Variants in DGKB observed in about 807,000 individuals in gnomAD.
The protein encoded by DGKB is diacylglycerol kinase beta, also known as 90 kDa diacylglycerol kinase.
DGKB carries 67 observed loss-of-function variants against 114.3 expected under a neutral mutation model. That is an observed-to-expected ratio of 0.59 (90% CI 0.48 to 0.72). The LOEUF (loss-of-function observed/expected upper bound fraction) is 0.72. Among genes scored for constraint, DGKB ranks in the 30% least tolerant of loss-of-function variants. DGKB has a pLI of 0.00. For missense variants in DGKB, 907 were observed against 975.2 expected (o/e 0.93, Z 0.93); for synonymous variants, 398 against 323.1 (o/e 1.23, Z -2.49).
At chr7:14,351,431 C>CGAG (rs1406814482) in intron 21 of DGKB, among the ~76,000 whole-genome samples, 4 of 152,106 alleles carry the variant, frequency 2.6e-5, no homozygotes, top group Non-Finnish European at 5.9e-5. Flanking sequence ...GGTCGGCAAA[C>CGAG]GAGCCCTAGG....
intron 23 of DGKB, among the ~76,000 whole-genome samples, chr7:14,313,112 AACT>A (rs1318552609): frequency 1.3e-5 from 2 of 152,234 alleles, no homozygotes; most frequent in Admixed American, 1.3e-4. Context: ...ACCTTTAAGA[AACT>A]ACTACTTGTT....
chr7:14,700,901 C>T (rs1458177928), intron 7 of DGKB, among the ~76,000 whole-genome samples: 2 of 151,918 alleles, frequency 1.3e-5, no homozygotes, highest in African/African-American at 2.4e-5. Flanking sequence ...CTTGATAGAA[C>T]AAGAAATAAT....
chr7:14,865,079 T>C (rs1011453182), intron 1 of DGKB, among the ~76,000 whole-genome samples: 5 of 65,196 alleles, frequency 7.7e-5, no homozygotes, highest in East Asian at 4.9e-4. Context: ...TTGTAAAGAA[T>C]TGATGACCTA....
chr7:14,578,090 G>A (rs1433622280), intron 19 of DGKB, among the ~76,000 whole-genome samples: 1 of 152,078 alleles, frequency 6.6e-6, no homozygotes, highest in Non-Finnish European at 1.5e-5. Context: ...TCTGGTGGTG[G>A]TGAGTGAGTT....
chr7:14,946,355 C>G (rs1785879076), intron 1 of DGKB, among the ~76,000 whole-genome samples: 1 of 151,648 alleles, frequency 6.6e-6, no homozygotes, highest in Non-Finnish European at 1.5e-5. Context: ...CCCTCCATTT[C>G]CTTAAGTACA....
chr7:14,702,630 C>T (rs1825398871), intron 6 of DGKB, among the ~76,000 whole-genome samples: 1 of 152,018 alleles, frequency 6.6e-6, no homozygotes, highest in African/African-American at 2.4e-5. Context: ...ACAGACACAG[C>T]TGTAAAAATA....
chr7:14,643,429 G>A (rs189585357), intron 13 of DGKB, among the ~76,000 whole-genome samples: 32 of 152,240 alleles, frequency 2.1e-4, no homozygotes, highest in African/African-American at 7.2e-4. Flanking sequence ...TTATTTTGAG[G>A]GAAGAACCAT....
chr7:14,853,080 C>G (rs1849621231), intron 1 of DGKB, among the ~76,000 whole-genome samples: 1 of 152,082 alleles, frequency 6.6e-6, no homozygotes, highest in Non-Finnish European at 1.5e-5. Context: ...GGAAAATAAT[C>G]TACTCTAATG....
At position 14,513,434 on chromosome 7, in the gene DGKB, G is replaced by A. The variant is rs147345178; in HGVS notation, c.1771-35209C>T. Among the ~76,000 whole-genome samples, 571 of 152,010 alleles carry A rather than the reference G, an allele frequency of 3.8e-3. 12 individuals carry two copies. The highest frequency in any genetic ancestry group is 0.026 in the Admixed American group (403 of 15,264). Reference sequence around the variant, plus strand: ...TTTCTCATCAAATTAAAATGACTTAGTTATGTGAGCTCAATCACATAATAC... The same window carrying A: ...TTTCTCATCAAATTAAAATGACTTAATTATGTGAGCTCAATCACATAATAC... On this transcript the variant is annotated intron_variant, in intron 20 of 25. Transcript: ENST00000402815.
intron 21 of DGKB, among the ~76,000 whole-genome samples, chr7:14,381,224 C>T (rs1265906534): frequency 6.6e-6 from 1 of 152,122 alleles, no homozygotes; most frequent in Non-Finnish European, 1.5e-5. Context: ...TATTTAATGC[C>T]AATAAGCAAG....
At chr7:14,720,355 A>G (rs1398572751) in intron 5 of DGKB, among the ~76,000 whole-genome samples, 1 of 151,752 alleles carries the variant, frequency 6.6e-6, no homozygotes, top group Non-Finnish European at 1.5e-5. Context: ...CAGGGGCTGG[A>G]GTGCAATGGT....
intron 23 of DGKB, among the ~76,000 whole-genome samples, chr7:14,284,859 T>G (rs920013887): frequency 9.0e-6 from 1 of 111,034 alleles, no homozygotes; most frequent in Non-Finnish European, 1.8e-5. Flanking sequence ...TGGGGACTGT[T>G]TTGGGGTGGG....
At position 14,694,059 on chromosome 7, in the gene DGKB, C is replaced by A; in HGVS notation, c.711+16G>T. 6.4e-7 allele frequency: 1 copy of A among 1,568,204 alleles called. No homozygotes were observed. The highest frequency in any genetic ancestry group is 8.7e-7 in the Non-Finnish European group (1 of 1,154,478). Reference sequence around the variant, plus strand: ...TGACTCACCACCAGGCCACCCTCCTCTGTGGAAATGCTTACATTTTCTAAG... The same window carrying A: ...TGACTCACCACCAGGCCACCCTCCTATGTGGAAATGCTTACATTTTCTAAG... On this transcript the variant is annotated intron_variant, in intron 9 of 25. Coordinates refer to ENST00000402815, the MANE Select transcript of DGKB (RefSeq NM_001350709.2).
At chr7:14,666,431 A>G (rs1227023133) in intron 13 of DGKB, among the ~76,000 whole-genome samples, 1 of 152,044 alleles carries the variant, frequency 6.6e-6, no homozygotes, top group Non-Finnish European at 1.5e-5. Context: ...TCATTAGGCC[A>G]TATTCCATAT....
intron 23 of DGKB, among the ~76,000 whole-genome samples, chr7:14,239,131 C>T (rs1207412145): frequency 6.6e-6 from 1 of 151,992 alleles, no homozygotes. Context: ...TATTCATCTA[C>T]AGGATAACTG....
rs191672665 is a variant in DGKB, at chr7:14,782,815, T to G, written c.71-25084A>C. 4.4e-3 allele frequency among the ~76,000 whole-genome samples: 665 copies of G among 152,088 alleles called. 7 individuals are homozygous for G. The highest frequency in any genetic ancestry group is 0.015 in the African/African-American group (623 of 41,470). ...GAGGCTAGTGTGATTGTACCTCAGT[T>G]TGCTCACATGATTATATATATATAT... is the stretch of plus-strand genomic sequence containing the variant. On this transcript the variant is annotated intron_variant, in intron 2 of 25. Transcript: ENST00000402815.
chr7:14,515,454 T>C (rs1563373558), intron 20 of DGKB, among the ~76,000 whole-genome samples: 1 of 152,184 alleles, frequency 6.6e-6, no homozygotes, highest in African/African-American at 2.4e-5. Context: ...CTGTTACAAA[T>C]AAGTCAGAAA....
chr7:14,748,613 C>T (rs1228399931), intron 4 of DGKB, among the ~76,000 whole-genome samples: 3 of 151,986 alleles, frequency 2.0e-5, no homozygotes, highest in Admixed American at 2.0e-4. Flanking sequence ...CAAGCTGTGG[C>T]AATGTGTGGA....
intron 6 of DGKB, among the ~76,000 whole-genome samples, chr7:14,702,464 A>G (rs1400869048): frequency 2.0e-5 from 3 of 152,162 alleles, no homozygotes; most frequent in Non-Finnish European, 1.5e-5. Flanking sequence ...GAACTAATCA[A>G]GTAAGGGAAA....
Sources: allele counts gnomAD v4.1 joint callset (sites outside exome capture counted in the v4.1 genomes callset), GRCh38; gene constraint gnomAD v4.1.1; transcripts MANE v1.5; gene names NCBI Gene and HGNC (gene_info 2026-07-23, HGNC 2026-07-21).